Variants in VTA1 observed in about 807,000 individuals in gnomAD.
VTA1 encodes the protein vacuolar protein sorting-associated protein VTA1 homolog.
A neutral mutation model predicts 36.9 loss-of-function variants in VTA1; 24 were observed. The observed-to-expected ratio is 0.65, with a 90% confidence interval of 0.47 to 0.91. The LOEUF (loss-of-function observed/expected upper bound fraction) is 0.91, where lower values mean the gene tolerates loss of function less well. VTA1 is among the 40% of genes least tolerant of loss of function. The probability of loss-of-function intolerance (pLI) is 0.00; values close to 1 mark genes in which losing one functional copy is unlikely to be tolerated. For missense variants in VTA1, 393 were observed against 377.2 expected (o/e 1.04, Z -0.35); for synonymous variants, 142 against 130.2 (o/e 1.09, Z -0.62).
chr6:142,169,768 G>T, intron 3 of VTA1, 91 bp downstream of exon 3: 1 of 1,188,882 alleles, frequency 8.4e-7, no homozygotes, highest in Non-Finnish European at 1.1e-6. Flanking sequence ...TTTCTAACCT[G>T]CTGATTGATT....
chr6:142,180,810 CA>C (rs1020314772), intron 4 of VTA1, among the ~76,000 whole-genome samples: 97 of 151,836 alleles, frequency 6.4e-4, no homozygotes, highest in African/African-American at 2.1e-3. Flanking sequence ...AGACATCAGA[CA>C]AATCAATAGA....
At chr6:142,210,122 A>T (rs979220977) in intron 7 of VTA1, among the ~76,000 whole-genome samples, 3 of 152,190 alleles carry the variant, frequency 2.0e-5, no homozygotes, top group African/African-American at 7.2e-5. Context: ...ATGCATTTAC[A>T]ACCAACTTAT....
At chr6:142,214,824 T>C (rs1175663526) in intron 7 of VTA1, among the ~76,000 whole-genome samples, 1 of 152,154 alleles carries the variant, frequency 6.6e-6, no homozygotes, top group African/African-American at 2.4e-5. Context: ...CTCTCAACTT[T>C]GCTGTGAACT....
rs183785248 is a variant in VTA1, at chr6:142,176,687, A to C, written c.411+6266A>C. ...GTAATAAATGAATTACAAAAGAGAA[A>C]ATTTAAAAAGGCATACAGATAGATA... On this transcript the variant is annotated intron_variant, in intron 4 of 7. Transcript: ENST00000367630. 2.6e-5 allele frequency among the ~76,000 whole-genome samples: 4 copies of C among 152,272 alleles called. No individual in the cohort carries two copies. In the East Asian group the frequency reaches 7.7e-4, roughly 29 times the overall value.
At chr6:142,215,958 G>T (rs1469723203) in intron 7 of VTA1, among the ~76,000 whole-genome samples, 1 of 152,110 alleles carries the variant, frequency 6.6e-6, no homozygotes, top group East Asian at 1.9e-4. Context: ...AAGAGGAGAT[G>T]AAGCCCTCTT....
intron 1 of VTA1, among the ~76,000 whole-genome samples, chr6:142,165,072 A>G (rs991672481): frequency 3.0e-4 from 46 of 152,348 alleles, no homozygotes; most frequent in African/African-American, 1.1e-3. Context: ...ACAGAAGATT[A>G]TTTTATTTTG....
chr6:142,195,517 A>G, intron 5 of VTA1, among the ~76,000 whole-genome samples: 1 of 150,614 alleles, frequency 6.6e-6, no homozygotes. Context: ...TATCTCAACA[A>G]GTACTTAGTA....
intron 1 of VTA1, among the ~76,000 whole-genome samples, chr6:142,164,966 A>G (rs891079710): frequency 6.6e-6 from 1 of 152,208 alleles, no homozygotes; most frequent in South Asian, 2.1e-4. Context: ...GGTTAAATAC[A>G]TAGAAGATTC....
At chr6:142,149,445 ATGG>A (rs906103496) in intron 1 of VTA1, among the ~76,000 whole-genome samples, 10 of 152,288 alleles carry the variant, frequency 6.6e-5, no homozygotes, top group Admixed American at 4.6e-4. Context: ...TGGGTGTGAA[ATGG>A]TGGTGTCTCA....
intron 4 of VTA1, among the ~76,000 whole-genome samples, chr6:142,183,546 A>G (rs1275120272): frequency 6.6e-6 from 1 of 152,200 alleles, no homozygotes; most frequent in Non-Finnish European, 1.5e-5. Context: ...AGTGATTCTC[A>G]TCAATCTAAT....
rs1224609035 is a variant in VTA1, at chr6:142,221,392, A to T, written c.*2749A>T. 3 of 152,262 alleles carry T rather than the reference A, an allele frequency of 2.0e-5. No individual in the cohort carries two copies. The highest frequency in any genetic ancestry group is 4.4e-5 in the Non-Finnish European group (3 of 68,070). 9.4% of individuals were successfully genotyped at this position (152,262 alleles called of 1,614,324 possible). ...AAAAGAGTAACTAGTATGCAGATAC[A>T]TACATGGAGGAAGAGCATTCCCAAC... On this transcript the variant is annotated 3_prime_UTR_variant, in exon 8 of 8. Coordinates refer to ENST00000367630, the MANE Select transcript of VTA1 (RefSeq NM_016485.5).
At chr6:142,216,332 T>G (rs1046961637) in intron 7 of VTA1, among the ~76,000 whole-genome samples, 2 of 152,176 alleles carry the variant, frequency 1.3e-5, no homozygotes, top group Non-Finnish European at 2.9e-5. Flanking sequence ...AGTTTAAGAA[T>G]TTAATTCATA....
rs149467307 is a variant in VTA1 at position 142,221,282 on chromosome 6, G to A, written c.*2639G>A. On this transcript the variant is annotated 3_prime_UTR_variant, in exon 8 of 8. Coordinates refer to ENST00000367630, the MANE Select transcript of VTA1 (RefSeq NM_016485.5). ...AGGAAACATTGAGGACAGGATAGGAGATGCTTAGGTGTGTACAGACATATG... is the reference window on the plus strand; with the variant it reads ...AGGAAACATTGAGGACAGGATAGGAAATGCTTAGGTGTGTACAGACATATG... 1 of 152,234 alleles carries A rather than the reference G, an allele frequency of 6.6e-6. No homozygotes were observed. The highest frequency in any genetic ancestry group is 1.5e-5 in the Non-Finnish European group (1 of 68,066). The allele number at this position is 152,234 out of a possible 1,614,324, so 9.4% of individuals were successfully genotyped here. A position where few individuals can be genotyped will look rare whatever the true frequency, so the allele number is the denominator to read the frequency against.
intron 4 of VTA1, 96 bp from the exon 5 acceptor site, chr6:142,189,330 G>A: frequency 1.0e-6 from 1 of 1,004,786 alleles, no homozygotes; most frequent in Non-Finnish European, 1.5e-6. Context: ...TGCAAAAATA[G>A]GTTTTATCTC....
rs540219425 is a variant in VTA1, at chr6:142,147,492, C to T, written c.112+93C>T. ...AGGTTCTTGGGGCATGCCCCGCCCC[C>T]CTCGCTTTAAACCTGAGCTTTGACC... On this transcript the variant is annotated intron_variant, in intron 1 of 7. Transcript: ENST00000367630. The T allele has an allele frequency of 3.5e-5, 46 of 1,324,342 alleles. No homozygotes were observed. In the South Asian group the frequency reaches 5.3e-4, roughly 15 times the overall value. 82.0% of individuals were successfully genotyped at this position (1,324,342 alleles called of 1,614,324 possible).
chr6:142,208,028 A>G (rs1562269992), intron 7 of VTA1, among the ~76,000 whole-genome samples: 1 of 147,058 alleles, frequency 6.8e-6, no homozygotes, highest in East Asian at 2.1e-4. Flanking sequence ...CGGAGAGTGC[A>G]GTGAGCCGAG....
rs1373888070 is a variant in VTA1, at chr6:142,188,229, T to C, written c.412-1197T>C. 7.5e-5 allele frequency among the ~76,000 whole-genome samples: 7 copies of C among 93,754 alleles called. No homozygotes were observed. In the East Asian group the frequency reaches 1.5e-3, roughly 20 times the overall value. The allele number at this position is 93,754 out of a possible 152,430, so 61.5% of individuals were successfully genotyped here. A position where few individuals can be genotyped will look rare whatever the true frequency, so the allele number is the denominator to read the frequency against. On this transcript the variant is annotated intron_variant, in intron 4 of 7. Transcript: ENST00000367630. Reference sequence around the variant, plus strand: ...TAGCCCTCTATTTCTTTATTTCTTTTTTTTTTTTTTTTTTTTTTTTTTTTG... The same window carrying C: ...TAGCCCTCTATTTCTTTATTTCTTTCTTTTTTTTTTTTTTTTTTTTTTTTG...
At chr6:142,163,764 A>G (rs1774858602) in intron 1 of VTA1, among the ~76,000 whole-genome samples, 2 of 152,176 alleles carry the variant, frequency 1.3e-5, no homozygotes, top group South Asian at 4.1e-4. Context: ...TGAGGATGCC[A>G]TAAAGCAGCA....
In VTA1 at chr6:142,198,546, A is replaced by T. The variant is rs766615371; in HGVS notation, c.628A>T (p.Thr210Ser). ...AAGCAACATGCCATCAGGCAACTATACTGGAATACAGATTCCTCCGGGTGC... is the reference window on the plus strand; with the variant it reads ...AAGCAACATGCCATCAGGCAACTATTCTGGAATACAGATTCCTCCGGGTGC... Reference protein sequence around the residue: ...DPSNMPSGNYTGIQIPPGAHA... With the variant: ...DPSNMPSGNYSGIQIPPGAHA... The change falls in exon 6 of 8, where the codon ACT becomes TCT. Residue 210 changes from threonine to serine, a missense_variant. By Grantham distance (58) the Thr-to-Ser change is moderately conservative (BLOSUM62 1). Coordinates refer to ENST00000367630, the MANE Select transcript of VTA1 (RefSeq NM_016485.5). 14 of 1,614,142 alleles carry T rather than the reference A, an allele frequency of 8.7e-6. 1 individual carries two copies. The South Asian group carries it at 1.5e-4, about 18-fold the overall frequency.
Sources: gnomAD v4.1 joint callset for allele counts (sites outside exome capture counted in the v4.1 genomes callset) on GRCh38, gnomAD v4.1.1 for gene constraint, MANE v1.5 for transcripts, NCBI Gene and HGNC (gene_info 2026-07-23, HGNC 2026-07-21) for gene names.